Variants in KCNJ6 observed in about 807,000 individuals in gnomAD.
The protein encoded by KCNJ6 is potassium inwardly rectifying channel subfamily J member 6, also known as G protein-activated inward rectifier potassium channel 2.
In KCNJ6, 9 loss-of-function variants were observed where a neutral mutation model predicts 34.2. The observed-to-expected ratio is 0.26, with a 90% CI of 0.16 to 0.46. The LOEUF (loss-of-function observed/expected upper bound fraction) is 0.46, where lower values mean the gene tolerates loss of function less well. Among genes scored for constraint, KCNJ6 ranks in the 20% least tolerant of loss-of-function variants. The pLI is 1.00. For missense variants in KCNJ6, 236 were observed against 531.3 expected (o/e 0.44, Z 5.46); for synonymous variants, 196 against 207.1 (o/e 0.95, Z 0.46).
chr21:37,824,226 A>G (rs1181078917), intron 2 of KCNJ6, among the ~76,000 whole-genome samples: 1 of 152,164 alleles, frequency 6.6e-6, no homozygotes, highest in Non-Finnish European at 1.5e-5. Context: ...AATTTGAGAA[A>G]TCACCAGAAT....
intron 1 of KCNJ6, among the ~76,000 whole-genome samples, chr21:37,881,608 T>G (rs1193423311): frequency 2.0e-5 from 3 of 152,168 alleles, no homozygotes; most frequent in Admixed American, 1.3e-4. Context: ...CTCCAACTCC[T>G]GGGCACAAGG....
intron 3 of KCNJ6, among the ~76,000 whole-genome samples, chr21:37,661,347 A>G (rs2054487185): frequency 6.6e-6 from 1 of 152,320 alleles, no homozygotes; most frequent in South Asian, 2.1e-4. Context: ...GTAATTTAAA[A>G]TAACTTTCCA....
intron 3 of KCNJ6, among the ~76,000 whole-genome samples, chr21:37,652,840 A>G (rs996377637): frequency 6.6e-6 from 1 of 152,188 alleles, no homozygotes; most frequent in Non-Finnish European, 1.5e-5. Context: ...AGATGTGGAA[A>G]ACACTGCAGG....
chr21:37,660,674 G>C (rs919135110), intron 3 of KCNJ6, among the ~76,000 whole-genome samples: 1 of 152,178 alleles, frequency 6.6e-6, no homozygotes, highest in East Asian at 1.9e-4. Context: ...TGGGGAGAAG[G>C]CGTGCTGGGA....
Position 37,911,054 on chromosome 21 carries a change from G to A in KCNJ6, c.-28+4830C>T, listed in dbSNP as rs191193697. Among the ~76,000 whole-genome samples the A allele has an allele frequency of 6.7e-3, 1,002 of 149,604 alleles. 10 individuals carry two copies. Among genetic ancestry groups the A allele is most frequent in the African/African-American group, 0.023 (917 of 40,624 alleles). On this transcript the variant is annotated intron_variant, in intron 1 of 3. Transcript: ENST00000609713. ...AGACTCTTCTTTTAATGATGAGACC[G>A]CTCTTTGAGGAAAATAATTTCACTA...
chr21:37,708,337 C>A (rs1203454319), intron 3 of KCNJ6, among the ~76,000 whole-genome samples: 2 of 152,164 alleles, frequency 1.3e-5, no homozygotes, highest in Non-Finnish European at 2.9e-5. Flanking sequence ...ATCTGATGAA[C>A]CAGAACACAG....
chr21:37,712,479 CCTT>C (rs2054759058), intron 3 of KCNJ6, among the ~76,000 whole-genome samples: 4 of 93,644 alleles, frequency 4.3e-5, no homozygotes, highest in East Asian at 4.9e-4. Context: ...CTCCCTCCTC[CCTT>C]TCTCTTCCCT....
chr21:37,665,338 G>A (rs75806096), intron 3 of KCNJ6, among the ~76,000 whole-genome samples: 2,467 of 152,272 alleles, frequency 0.016, 28 homozygotes, highest in African/African-American at 0.028. Flanking sequence ...GGTGCCAGTC[G>A]TCTGTATAAG....
At chr21:37,690,204 A>G (rs1448654640) in intron 3 of KCNJ6, among the ~76,000 whole-genome samples, 1 of 152,128 alleles carries the variant, frequency 6.6e-6, no homozygotes, top group Non-Finnish European at 1.5e-5. Context: ...GAACTACTCA[A>G]TGTTCAAAGG....
chr21:37,669,828 C>T (rs572728425), intron 3 of KCNJ6, among the ~76,000 whole-genome samples: 125 of 152,298 alleles, frequency 8.2e-4, no homozygotes, highest in African/African-American at 2.7e-3. Flanking sequence ...TTGTCTTTCA[C>T]TTTCATGATA....
chr21:37,818,996 A>G (rs1431473573), intron 2 of KCNJ6, among the ~76,000 whole-genome samples: 1 of 152,118 alleles, frequency 6.6e-6, no homozygotes, highest in Admixed American at 6.5e-5. Context: ...AGCCACAAGT[A>G]TTTTCCACAG....
intron 3 of KCNJ6, among the ~76,000 whole-genome samples, chr21:37,711,777 C>T (rs1415737192): frequency 6.6e-6 from 1 of 150,468 alleles, no homozygotes; most frequent in Non-Finnish European, 1.5e-5. Flanking sequence ...AGTTTCCAGA[C>T]ACCTCCAGAA....
chr21:37,812,795 C>A (rs2055329212), intron 2 of KCNJ6, among the ~76,000 whole-genome samples: 1 of 151,890 alleles, frequency 6.6e-6, no homozygotes, highest in African/African-American at 2.4e-5. Context: ...ATAATAAAAC[C>A]ACAGCTAGTA....
At chr21:37,788,625 G>A (rs1458931108) in intron 2 of KCNJ6, among the ~76,000 whole-genome samples, 10 of 152,156 alleles carry the variant, frequency 6.6e-5, no homozygotes, top group Non-Finnish European at 1.3e-4. Flanking sequence ...TGTGGCAGAA[G>A]TGAAAAAGGA....
intron 2 of KCNJ6, among the ~76,000 whole-genome samples, chr21:37,819,596 A>T (rs2835988): frequency 6.6e-6 from 1 of 151,900 alleles, no homozygotes; most frequent in Non-Finnish European, 1.5e-5. Context: ...AACCAGGCAG[A>T]AGTAACCTTT....
rs2054659850 is a variant in KCNJ6 at position 37,695,474 on chromosome 21, T to G, written c.946+18737A>C. On this transcript the variant is annotated intron_variant, in intron 3 of 3. Transcript: ENST00000609713. The surrounding 1 kb of genome is among the most constrained non-coding windows in gnomAD (Gnocchi z 4.2). ...GGCTTCTAAGTGTAGGGTGGCTCTT[T>G]GATCCTCCTGCAGGTGTTAAGAGCT... Among the ~76,000 whole-genome samples, 1 of 152,166 alleles carries G rather than the reference T, an allele frequency of 6.6e-6. No homozygotes were observed. Among genetic ancestry groups the G allele is most frequent in the African/African-American group, 2.4e-5 (1 of 41,436 alleles).
At chr21:37,857,120 C>T (rs936275071) in intron 1 of KCNJ6, among the ~76,000 whole-genome samples, 6 of 152,142 alleles carry the variant, frequency 3.9e-5, no homozygotes, top group African/African-American at 1.2e-4. Flanking sequence ...AAGACAGAGA[C>T]TTTTGTCTCC....
In KCNJ6 at chr21:37,608,897, A is replaced by C. The variant is rs1247475469; in HGVS notation, c.*16262T>G. 6.6e-6 allele frequency: 1 copy of C among 152,200 alleles called. No homozygotes were observed. Among genetic ancestry groups the C allele is most frequent in the Non-Finnish European group, 1.5e-5 (1 of 68,026 alleles). The allele number at this position is 152,200 out of a possible 1,614,324, so 9.4% of individuals were successfully genotyped here. On this transcript the variant is annotated 3_prime_UTR_variant, in exon 4 of 4. Coordinates refer to ENST00000609713, the MANE Select transcript of KCNJ6 (RefSeq NM_002240.5). The stretch of plus-strand genomic sequence containing the variant: ...GAATACACATTTGGAGTAATAAAAT[A>C]TGGGGCATCAGCTAACTTTCAGAAT...
intron 1 of KCNJ6, among the ~76,000 whole-genome samples, chr21:37,905,909 T>A (rs1022046519): frequency 6.6e-6 from 1 of 152,212 alleles, no homozygotes; most frequent in Non-Finnish European, 1.5e-5. Flanking sequence ...TCAGGAGATG[T>A]TTAGAATGAA....
Sources: allele counts gnomAD v4.1 joint callset (sites outside exome capture counted in the v4.1 genomes callset), GRCh38; gene constraint gnomAD v4.1.1; non-coding constraint Gnocchi (gnomAD v3.1); transcripts MANE v1.5; gene names NCBI Gene and HGNC (gene_info 2026-07-23, HGNC 2026-07-21).